MCM8: variants seen among roughly 807,000 people sequenced by gnomAD.
MCM8 encodes the protein DNA helicase MCM8.
A neutral mutation model predicts 98.9 loss-of-function variants in MCM8; 85 were observed. The observed-to-expected ratio is 0.86, with a 90% CI of 0.72 to 1.03. The LOEUF (loss-of-function observed/expected upper bound fraction) is 1.03. Among genes scored for constraint, MCM8 ranks in the 50% least tolerant of loss-of-function variants. The pLI is 0.00. For missense variants in MCM8, 951 were observed against 997.8 expected, an observed-to-expected ratio of 0.95 and a Z score of 0.63; for synonymous variants, 352 against 338.6, an observed-to-expected ratio of 1.04 and a Z score of -0.44.
Position 5,993,641 on chromosome 20 carries a change from T to TAATATATTTCAA in MCM8, c.2377_2388dup (p.Asn793_Gln796dup), listed in dbSNP as rs2089897794. 1 of 1,610,966 alleles carries TAATATATTTCAA rather than the reference T, an allele frequency of 6.2e-7. No individual in the cohort carries two copies. Among genetic ancestry groups the TAATATATTTCAA allele is most frequent in the South Asian group, 1.1e-5 (1 of 90,598 alleles). On this transcript the variant is annotated inframe_insertion, in exon 18 of 19. Transcript: ENST00000610722. ...ACAACGTTGCTGAAAGAACTTATAA[T>TAATATATTTCAA]AATATATTTCAATTTCATCAACTTC...
intron 17 of MCM8, among the ~76,000 whole-genome samples, chr20:5,989,164 T>A (rs1037395241): frequency 5.5e-5 from 8 of 144,244 alleles, no homozygotes; most frequent in African/African-American, 1.9e-4. Flanking sequence ...TCGCCCGGGC[T>A]GGAGTGCAGT....
At chr20:5,971,870 A>G (rs968139600) in intron 10 of MCM8, 137 bp from the exon 11 acceptor site, 1 of 638,662 alleles carries the variant, frequency 1.6e-6, no homozygotes, top group Non-Finnish European at 2.7e-6. Flanking sequence ...GTAAGAATAA[A>G]ATTTCAGTTG....
chr20:5,987,377 AT>A lies in MCM8; in HGVS notation c.2240+21del. The A allele has an allele frequency of 6.3e-7, 1 of 1,588,676 alleles. No individual in the cohort carries two copies. The highest frequency in any genetic ancestry group is 8.6e-7 in the Non-Finnish European group (1 of 1,164,074). On this transcript the variant is annotated intron_variant, in intron 17 of 18. Transcript: ENST00000610722. ...AATATAGGTAAGATAAAAATTTCAA[AT>A]TGTTTTAAATGAAATACCAGTTATC...
intron 10 of MCM8, 127 bp downstream of exon 10, chr20:5,968,152 A>C (rs1297732461): frequency 7.7e-6 from 5 of 645,680 alleles, no homozygotes; most frequent in Non-Finnish European, 1.3e-5. Context: ...ACAGTACTCC[A>C]TCCCCTTGAG....
At chr20:5,957,786 G>A (rs554977573) in intron 6 of MCM8, among the ~76,000 whole-genome samples, 1 of 152,312 alleles carries the variant, frequency 6.6e-6, no homozygotes, top group African/African-American at 2.4e-5. Flanking sequence ...GTTTTTGTTA[G>A]ATACAAGGGA....
rs201252465 is a variant in MCM8 at position 5,986,068 on chromosome 20, C to T, written c.2100C>T (p.Ser700=). The T allele has an allele frequency of 1.9e-6, 3 of 1,614,132 alleles. No homozygotes were observed. The highest frequency in any genetic ancestry group is 2.5e-6 in the Non-Finnish European group (3 of 1,180,020). The change falls in exon 16 of 19, where the codon AGC becomes AGT. Residue 700 remains serine (S), a synonymous_variant. Coordinates refer to ENST00000610722, the MANE Select transcript of MCM8 (RefSeq NM_032485.6). ...TTTACCTTGAGCTCCGGAAACAGAGCCAGAGGTTAAATAGCTCACCAATCA... is the reference window on the plus strand; with the variant it reads ...TTTACCTTGAGCTCCGGAAACAGAGTCAGAGGTTAAATAGCTCACCAATCA... ...QDFYLELRKQ[S]QRLNSSPITT... is the part of the protein sequence containing the mutation.
chr20:5,953,831 A>T (rs1279183815), intron 3 of MCM8, among the ~76,000 whole-genome samples: 1 of 151,874 alleles, frequency 6.6e-6, no homozygotes, highest in Non-Finnish European at 1.5e-5. Context: ...TCCCTGCCCC[A>T]TACCAGGCAT....
intron 17 of MCM8, among the ~76,000 whole-genome samples, chr20:5,988,350 T>G (rs2089775300): frequency 6.6e-6 from 1 of 152,016 alleles, no homozygotes; most frequent in Non-Finnish European, 1.5e-5. Flanking sequence ...TAATCTCAGT[T>G]ACTTGGGAGG....
chr20:5,990,073 T>C (rs1331669949), intron 17 of MCM8, among the ~76,000 whole-genome samples: 1 of 152,100 alleles, frequency 6.6e-6, no homozygotes, highest in Non-Finnish European at 1.5e-5. Flanking sequence ...CAGTGCTTTT[T>C]TTTTTTTCTC....
At position 5,983,051 on chromosome 20, in the gene MCM8, G is replaced by C. The variant is rs2089659849; in HGVS notation, c.1619G>C (p.Ser540Thr). The C allele has an allele frequency of 4.3e-6, 7 of 1,614,024 alleles. No individual in the cohort carries two copies. The highest frequency in any genetic ancestry group is 1.3e-5 in the African/African-American group (1 of 74,938). The change falls in exon 14 of 19, where the codon AGT becomes ACT. Residue 540 changes from serine to threonine, a missense_variant. Ser to Thr is a moderately conservative substitution (Grantham distance 58). Coordinates refer to ENST00000610722, the MANE Select transcript of MCM8 (RefSeq NM_032485.6). ...LLEAMEQQSISLAKAGVVCSL... is the reference protein window; with the variant it reads ...LLEAMEQQSITLAKAGVVCSL... ...GAAGCCATGGAGCAGCAAAGTATTA[G>C]TCTTGCTAAGGCTGGTGTGGTTTGT...
rs1213153634 is a variant in MCM8 at position 5,996,739 on chromosome 20, G to T, written c.*2348G>T. 6.6e-6 allele frequency: 1 copy of T among 152,180 alleles called. No individual in the cohort carries two copies. Among genetic ancestry groups the T allele is most frequent in the African/African-American group, 2.4e-5 (1 of 41,444 alleles). 9.4% of individuals were successfully genotyped at this position (152,180 alleles called of 1,614,324 possible). A position where few individuals can be genotyped will look rare whatever the true frequency, so the allele number is the denominator to read the frequency against. On this transcript the variant is annotated 3_prime_UTR_variant, in exon 19 of 19. Coordinates refer to ENST00000610722, the MANE Select transcript of MCM8 (RefSeq NM_032485.6). Reference sequence around the variant, plus strand: ...TAAACCTACATTTTCAGAAGAAGAAGTTCCATGTTTCCTTAGATTATGTAT... The same window carrying T: ...TAAACCTACATTTTCAGAAGAAGAATTTCCATGTTTCCTTAGATTATGTAT...
chr20:5,965,863 A>T (rs573005973), intron 8 of MCM8, among the ~76,000 whole-genome samples: 19 of 152,068 alleles, frequency 1.2e-4, no homozygotes, highest in Non-Finnish European at 2.8e-4. Flanking sequence ...TTTTATTCTT[A>T]AAAAACAAAA....
chr20:5,993,443 C>G, intron 17 of MCM8, 63 bp from the exon 18 acceptor site: 1 of 1,339,152 alleles, frequency 7.5e-7, no homozygotes. Flanking sequence ...AACCTGAAAG[C>G]CCAGGACAAC....
At chr20:5,972,832 GTAATTTC>G in intron 11 of MCM8, 2 of 1,392,068 alleles carry the variant, frequency 1.4e-6, no homozygotes, top group South Asian at 2.9e-5. Context: ...GTAGCTCTTA[GTAATTTC>G]TAAGATAGCT....
chr20:5,982,157 T>C (rs1055899149), intron 13 of MCM8, among the ~76,000 whole-genome samples: 5 of 152,188 alleles, frequency 3.3e-5, no homozygotes, highest in South Asian at 2.1e-4. Flanking sequence ...GCACAAGTTA[T>C]TGGGGACTCT....
rs889484178 is a variant in MCM8 at position 5,987,334 on chromosome 20, A to G, written c.2216A>G (p.Asp739Gly). 6.2e-7 allele frequency: 1 copy of G among 1,612,800 alleles called. No individual in the cohort carries two copies. The highest frequency in any genetic ancestry group is 1.3e-5 in the African/African-American group (1 of 74,974). The change falls in exon 17 of 19, where the codon GAT becomes GGT. Residue 739 changes from aspartate to glycine, a missense_variant. By Grantham distance (94) the Asp-to-Gly change is moderately conservative. Transcript: ENST00000610722. ...GAAGCAACCAAAGAAGACGCTGAGGATATAGTGGAAATTATGAAATATAGG... is the reference window on the plus strand; with the variant it reads ...GAAGCAACCAAAGAAGACGCTGAGGGTATAGTGGAAATTATGAAATATAGG... ...REEATKEDAE[D>G]IVEIMKYSML...
chr20:5,996,687 T>A lies in MCM8; in HGVS notation c.*2296T>A, dbSNP rs76712193. On this transcript the variant is annotated 3_prime_UTR_variant, in exon 19 of 19. Coordinates refer to ENST00000610722, the MANE Select transcript of MCM8 (RefSeq NM_032485.6). ...AAATAAGTCTCAAAGGTTAAGGCTA[T>A]TATATAAATTTATTTTTAAAAAGAC... The A allele has an allele frequency of 6.6e-6, 1 of 152,218 alleles. No individual in the cohort carries two copies. The highest frequency in any genetic ancestry group is 1.5e-5 in the Non-Finnish European group (1 of 68,032). 9.4% of individuals were successfully genotyped at this position (152,218 alleles called of 1,614,324 possible).
At chr20:5,956,368 T>G (rs376212262) in intron 5 of MCM8, among the ~76,000 whole-genome samples, 21 of 152,240 alleles carry the variant, frequency 1.4e-4, no homozygotes, top group African/African-American at 5.1e-4. Flanking sequence ...TTATTTTGCC[T>G]CTTAGGTTGC....
chr20:5,958,328 C>T (rs1303916796), intron 6 of MCM8, among the ~76,000 whole-genome samples, 200 bp from the exon 7 acceptor site: 1 of 152,138 alleles, frequency 6.6e-6, no homozygotes, highest in African/African-American at 2.4e-5. Flanking sequence ...AAGATGGCAC[C>T]CCTGCACTCC....
Sources: allele counts gnomAD v4.1 joint callset (sites outside exome capture counted in the v4.1 genomes callset), GRCh38; gene constraint gnomAD v4.1.1; transcripts MANE v1.5; gene names NCBI Gene and HGNC (gene_info 2026-07-23, HGNC 2026-07-21).